VWA8: variants seen among roughly 807,000 people sequenced by gnomAD.
VWA8 encodes von Willebrand factor A domain-containing protein 8.
In VWA8, 221 loss-of-function variants were observed where a neutral mutation model predicts 241.5. The observed-to-expected ratio is 0.91, with a 90% confidence interval of 0.82 to 1.02. The LOEUF is 1.02. VWA8 is among the 50% of genes least tolerant of loss of function. The probability of loss-of-function intolerance (pLI) is 0.00; values close to 1 mark genes in which losing one functional copy is unlikely to be tolerated. For synonymous variants in VWA8, 852 were observed against 827.1 expected, an observed-to-expected ratio of 1.03 and a Z score of -0.52; for missense variants, 2,322 against 2,328.7, an observed-to-expected ratio of 1.00 and a Z score of 0.06.
Position 41,689,416 on chromosome 13 carries a change from T to G in VWA8, c.4069A>C (p.Asn1357His). 6.2e-7 allele frequency: 1 copy of G among 1,612,282 alleles called. No individual in the cohort carries two copies. Among genetic ancestry groups the G allele is most frequent in the Non-Finnish European group, 8.5e-7 (1 of 1,179,200 alleles). Residue 1357 changes from asparagine to histidine, a missense_variant, in exon 34 of 45, where the codon AAC (asparagine) becomes CAC (histidine). Physicochemically the swap from Asn to His is moderately conservative, Grantham distance 68 (BLOSUM62 1). Coordinates refer to ENST00000379310, the MANE Select transcript of VWA8 (RefSeq NM_015058.2). ...SAVEQKIASP[N>H]RILSDEKNYA... ...TTTTTCTCATCTGAGAGAATTCTGTTGGGAGAGGCAATCTTTTGTTCCACA... is the reference window on the plus strand; with the variant it reads ...TTTTTCTCATCTGAGAGAATTCTGTGGGGAGAGGCAATCTTTTGTTCCACA...
intron 17 of VWA8, among the ~76,000 whole-genome samples, chr13:41,797,468 G>C (rs1337514770): frequency 6.6e-6 from 1 of 152,036 alleles, no homozygotes; most frequent in African/African-American, 2.4e-5. Context: ...TTTGTTAATG[G>C]TTTTGGTAAA....
Position 41,819,393 on chromosome 13 carries a change from T to C in VWA8, c.1701-7A>G, listed in dbSNP as rs751705926. Reference sequence around the variant, plus strand: ...ATGGATAGGAAAAATGGATCTAAAATAGGAAAAAAAATGAAAAAAAATAAC... The same window carrying C: ...ATGGATAGGAAAAATGGATCTAAAACAGGAAAAAAAATGAAAAAAAATAAC... On this transcript the variant is annotated splice_region_variant and splice_polypyrimidine_tract_variant and intron_variant, in intron 14 of 44. Coordinates refer to ENST00000379310, the MANE Select transcript of VWA8 (RefSeq NM_015058.2). 6.3e-7 allele frequency: 1 copy of C among 1,585,948 alleles called. No individual in the cohort carries two copies. Among genetic ancestry groups the C allele is most frequent in the Non-Finnish European group, 8.5e-7 (1 of 1,173,240 alleles).
Position 41,887,280 on chromosome 13 carries a change from C to A in VWA8, c.733G>T (p.Val245Leu), listed in dbSNP as rs201868054. The A allele has an allele frequency of 7.4e-6, 12 of 1,613,628 alleles. No homozygotes were observed. In the Middle Eastern group the frequency reaches 1.5e-3, roughly 199 times the overall value. The change falls in exon 6 of 45, where the codon GTG becomes TTG. Residue 245 changes from valine (V) to leucine (L), a missense_variant. Physicochemically the swap from Val to Leu is conservative, Grantham distance 32 (BLOSUM62 1). Coordinates refer to ENST00000379310, the MANE Select transcript of VWA8 (RefSeq NM_015058.2). Reference protein sequence around the residue: ...NFRVIALGLPVPRYSGNPLDP... With the variant: ...NFRVIALGLPLPRYSGNPLDP... ...AATGGATTCCCAGAATACCTTGGCA[C>A]TGGCAAGCCCAAGGCAATCACTCGG...
intron 5 of VWA8, 143 bp from the exon 6 acceptor site, chr13:41,887,504 C>T: frequency 3.3e-6 from 3 of 909,942 alleles, no homozygotes; most frequent in South Asian, 2.3e-5. Flanking sequence ...TCAAGGAAGG[C>T]AGCAAAGTGA....
intron 37 of VWA8, among the ~76,000 whole-genome samples, chr13:41,664,698 T>C (rs2044975414): frequency 6.6e-6 from 1 of 151,968 alleles, no homozygotes; most frequent in South Asian, 2.1e-4. Context: ...CCACCCCACA[T>C]TACAACCTTC....
chr13:41,812,318 G>A (rs1043832121), intron 16 of VWA8, among the ~76,000 whole-genome samples: 1 of 152,098 alleles, frequency 6.6e-6, no homozygotes, highest in Non-Finnish European at 1.5e-5. Flanking sequence ...ATTATTACTG[G>A]CCTAATTCCT....
intron 12 of VWA8, among the ~76,000 whole-genome samples, chr13:41,843,088 C>T (rs1186158938): frequency 6.6e-6 from 1 of 152,064 alleles, no homozygotes; most frequent in African/African-American, 2.4e-5. Flanking sequence ...ACCAGAAAGC[C>T]AGAACTTAAG....
intron 26 of VWA8, among the ~76,000 whole-genome samples, chr13:41,703,735 C>T (rs763188943): frequency 1.3e-5 from 2 of 150,824 alleles, no homozygotes; most frequent in African/African-American, 4.9e-5. Context: ...TATAGGAAAA[C>T]TTTTCTTTAA....
intron 40 of VWA8, among the ~76,000 whole-genome samples, chr13:41,600,881 T>C (rs1352256362): frequency 1.3e-5 from 2 of 152,138 alleles, no homozygotes; most frequent in Non-Finnish European, 2.9e-5. Context: ...CATTTTCATT[T>C]CAATTACGCT....
intron 37 of VWA8, among the ~76,000 whole-genome samples, chr13:41,622,241 C>A (rs1453764384): frequency 6.6e-6 from 1 of 152,104 alleles, no homozygotes; most frequent in Non-Finnish European, 1.5e-5. Flanking sequence ...CTAGGACAGT[C>A]CAACCCAGGA....
chr13:41,734,678 G>C (rs1309418926), intron 21 of VWA8, among the ~76,000 whole-genome samples: 4 of 152,170 alleles, frequency 2.6e-5, no homozygotes, highest in African/African-American at 9.7e-5. Context: ...ACCTATTGCT[G>C]TTCCTGATTC....
chr13:41,787,552 T>C lies in VWA8; in HGVS notation c.2064-9A>G. 6.3e-7 allele frequency: 1 copy of C among 1,594,808 alleles called. No individual in the cohort carries two copies. The highest frequency in any genetic ancestry group is 8.6e-7 in the Non-Finnish European group (1 of 1,163,966). On this transcript the variant is annotated splice_polypyrimidine_tract_variant and intron_variant, in intron 17 of 44. Transcript: ENST00000379310. Reference sequence around the variant, plus strand: ...CAAGACTGGGTAAAAACCTGGAGGATGAAGAGGGAGGAAGGGGGAAATGGC... The same window carrying C: ...CAAGACTGGGTAAAAACCTGGAGGACGAAGAGGGAGGAAGGGGGAAATGGC...
chr13:41,624,020 C>A (rs893257692), intron 37 of VWA8, among the ~76,000 whole-genome samples: 9 of 152,034 alleles, frequency 5.9e-5, no homozygotes, highest in African/African-American at 2.4e-5. Flanking sequence ...TACAAAAAAA[C>A]CCCTCAGAGA....
intron 26 of VWA8, among the ~76,000 whole-genome samples, chr13:41,709,090 T>C (rs546574748): frequency 1.3e-5 from 2 of 152,344 alleles, no homozygotes; most frequent in Admixed American, 6.5e-5. Flanking sequence ...TTGAAAACTT[T>C]CCCAGAGAAA....
intron 4 of VWA8, among the ~76,000 whole-genome samples, chr13:41,895,485 C>T (rs1357928909): frequency 1.3e-5 from 2 of 152,178 alleles, no homozygotes; most frequent in African/African-American, 4.8e-5. Flanking sequence ...TCTCTACACA[C>T]ACAAAATACT....
chr13:41,642,451 C>T (rs531306202), intron 37 of VWA8, among the ~76,000 whole-genome samples: 3 of 150,662 alleles, frequency 2.0e-5, no homozygotes, highest in Non-Finnish European at 4.4e-5. Context: ...CCCAGCTACT[C>T]GGGAGGCTGA....
chr13:41,695,732 AG>A (rs1367267031), intron 29 of VWA8, among the ~76,000 whole-genome samples: 1 of 152,174 alleles, frequency 6.6e-6, no homozygotes, highest in Non-Finnish European at 1.5e-5. Context: ...CTGTGGCCAA[AG>A]GGGTAAGTAA....
At chr13:41,717,654 C>T (rs897699535) in intron 26 of VWA8, among the ~76,000 whole-genome samples, 1 of 151,980 alleles carries the variant, frequency 6.6e-6, no homozygotes, top group African/African-American at 2.4e-5. Context: ...ATAGAAATTG[C>T]TACGGAACCT....
chr13:41,750,528 A>G (rs1031128054), intron 21 of VWA8, among the ~76,000 whole-genome samples: 31 of 152,144 alleles, frequency 2.0e-4, no homozygotes, highest in Admixed American at 4.6e-4. Context: ...TTTGATTCAC[A>G]GGAGGCCAAA....
Sources: allele counts gnomAD v4.1 joint callset (sites outside exome capture counted in the v4.1 genomes callset), GRCh38; gene constraint gnomAD v4.1.1; transcripts MANE v1.5; gene names NCBI Gene and HGNC (gene_info 2026-07-23, HGNC 2026-07-21).